Variants in SUPT3H observed in about 807,000 individuals in gnomAD.
SUPT3H encodes transcription initiation protein SPT3 homolog.
SUPT3H carries 44 observed loss-of-function variants against 44.3 expected under a neutral mutation model. The ratio of observed to expected loss-of-function variants is 0.99; its 90% CI spans 0.78 to 1.28. The LOEUF (loss-of-function observed/expected upper bound fraction) is 1.28. Among genes scored for constraint, SUPT3H ranks in the 50% most tolerant of loss-of-function variants. The pLI, the probability that SUPT3H is intolerant of heterozygous loss-of-function variation, is 0.00. For missense variants in SUPT3H, 380 were observed against 387.1 expected (o/e 0.98, Z 0.15); for synonymous variants, 124 against 125.6 (o/e 0.99, Z 0.09).
chr6:45,362,054 AAACAAC>A (rs375160471), intron 2 of SUPT3H, among the ~76,000 whole-genome samples: 9 of 151,938 alleles, frequency 5.9e-5, no homozygotes, highest in East Asian at 1.9e-4. Context: ...TTCCTCTCAA[AAACAAC>A]AACAACAACA....
rs1486622362 is a variant in SUPT3H, at chr6:45,212,479, CTA to C, written c.102-106475_102-106474del. ...GTTCTGAAACTTCCCTCCACCTCCA[CTA>C]TGTGTGTGTGTGTGTGTGTGTGTGT... On this transcript the variant is annotated intron_variant, in intron 2 of 10. Coordinates refer to ENST00000371459, the MANE Select transcript of SUPT3H (RefSeq NM_003599.4). 2.4e-3 allele frequency among the ~76,000 whole-genome samples: 339 copies of C among 139,918 alleles called. 5 individuals are homozygous for C. The highest frequency in any genetic ancestry group is 7.8e-3 in the Middle Eastern group (2 of 256). 91.8% of individuals were successfully genotyped at this position (139,918 alleles called of 152,430 possible).
At chr6:45,219,379 G>A (rs889074514) in intron 2 of SUPT3H, among the ~76,000 whole-genome samples, 4 of 151,214 alleles carry the variant, frequency 2.6e-5, no homozygotes, top group Admixed American at 6.6e-5. Flanking sequence ...AATCACAAAC[G>A]CCAGGAATGA....
intron 2 of SUPT3H, among the ~76,000 whole-genome samples, chr6:45,344,140 A>G (rs1014158735): frequency 1.3e-5 from 2 of 152,226 alleles, no homozygotes; most frequent in African/African-American, 4.8e-5. Context: ...TATGAAGTGG[A>G]TATGACAAAG....
chr6:45,257,530 TAAG>T (rs992624105), intron 2 of SUPT3H, among the ~76,000 whole-genome samples: 2 of 152,202 alleles, frequency 1.3e-5, no homozygotes, highest in East Asian at 1.9e-4. Context: ...CAATTACTGA[TAAG>T]AAGAATACAG....
chr6:45,168,542 C>CTA (rs1419548848), intron 2 of SUPT3H, among the ~76,000 whole-genome samples: 1 of 152,158 alleles, frequency 6.6e-6, no homozygotes, highest in Non-Finnish European at 1.5e-5. Flanking sequence ...TGGCAAAATA[C>CTA]ACTTTCTAAA....
At chr6:45,219,779 G>A (rs929402174) in intron 2 of SUPT3H, among the ~76,000 whole-genome samples, 1 of 151,938 alleles carries the variant, frequency 6.6e-6, no homozygotes, top group Non-Finnish European at 1.5e-5. Flanking sequence ...AGCAGCTCAC[G>A]CCTGTAATCC....
intron 2 of SUPT3H, among the ~76,000 whole-genome samples, chr6:45,271,068 AG>A (rs1176861188): frequency 6.6e-6 from 1 of 152,244 alleles, no homozygotes; most frequent in Non-Finnish European, 1.5e-5. Context: ...AGCATTCAAG[AG>A]GTGACCTGGG....
chr6:45,220,040 CAAAAAAAAAAAAA>C (rs67960187), intron 2 of SUPT3H, among the ~76,000 whole-genome samples: 3 of 33,010 alleles, frequency 9.1e-5, no homozygotes, highest in Admixed American at 6.3e-4. Flanking sequence ...GACTCTGTCT[CAAAAAAAAAAAAA>C]AAAAAAAAAA....
At chr6:45,327,036 G>A (rs1468068872) in intron 2 of SUPT3H, among the ~76,000 whole-genome samples, 1 of 151,796 alleles carries the variant, frequency 6.6e-6, no homozygotes, top group African/African-American at 2.4e-5. Context: ...ATGAAAACAG[G>A]AAGCTCTATT....
intron 2 of SUPT3H, among the ~76,000 whole-genome samples, chr6:45,353,393 A>G (rs943005001): frequency 1.3e-5 from 2 of 152,090 alleles, no homozygotes; most frequent in African/African-American, 4.8e-5. Flanking sequence ...ACTAACTATT[A>G]AAACATATTA....
chr6:45,058,780 T>G (rs1166071849), intron 3 of SUPT3H, among the ~76,000 whole-genome samples: 1 of 152,128 alleles, frequency 6.6e-6, no homozygotes, highest in African/African-American at 2.4e-5. Context: ...TATTTACTAG[T>G]CTATGAAGTT....
At chr6:45,341,174 G>C (rs1238137198) in intron 2 of SUPT3H, among the ~76,000 whole-genome samples, 3 of 151,676 alleles carry the variant, frequency 2.0e-5, no homozygotes, top group Admixed American at 6.6e-5. Flanking sequence ...AAAACAAAAA[G>C]TTCTCAAACA....
At chr6:44,868,163 A>T (rs1775795985) in intron 10 of SUPT3H, among the ~76,000 whole-genome samples, 1 of 152,100 alleles carries the variant, frequency 6.6e-6, no homozygotes, top group African/African-American at 2.4e-5. Flanking sequence ...ATTCATTTAC[A>T]CTCAACTCAC....
intron 1 of SUPT3H, among the ~76,000 whole-genome samples, chr6:45,366,274 G>C (rs780855216): frequency 2.5e-4 from 38 of 152,298 alleles, no homozygotes; most frequent in Non-Finnish European, 4.6e-4. Flanking sequence ...GGCAGGTTCT[G>C]GGGTCAGACT....
rs183390041 is a variant in SUPT3H at position 44,884,823 on chromosome 6, T to A, written c.912+47830A>T. On this transcript the variant is annotated intron_variant, in intron 10 of 10. Transcript: ENST00000371459. ...GAAGCAGGGCGAGGCATTGCTTCACTTGGGAAGTGCAAGGGGTCAGGGAGT... is the reference window on the plus strand; with the variant it reads ...GAAGCAGGGCGAGGCATTGCTTCACATGGGAAGTGCAAGGGGTCAGGGAGT... Among the ~76,000 whole-genome samples the A allele has an allele frequency of 2.5e-3, 374 of 152,252 alleles. 3 individuals are homozygous for A. The highest frequency in any genetic ancestry group is 8.6e-3 in the African/African-American group (359 of 41,550).
intron 2 of SUPT3H, among the ~76,000 whole-genome samples, chr6:45,223,849 GT>G: frequency 6.6e-6 from 1 of 151,060 alleles, no homozygotes; most frequent in Non-Finnish European, 1.5e-5. Flanking sequence ...TAAATTACTA[GT>G]TTATTTTAAA....
chr6:45,303,976 CAA>C (rs1241434882), intron 2 of SUPT3H, among the ~76,000 whole-genome samples: 8 of 92,518 alleles, frequency 8.6e-5, no homozygotes, highest in Admixed American at 1.1e-4. Flanking sequence ...GACTCTGTCT[CAA>C]AAAAAAAAAA....
At chr6:45,256,963 A>AT (rs1773513236) in intron 2 of SUPT3H, among the ~76,000 whole-genome samples, 2 of 152,316 alleles carry the variant, frequency 1.3e-5, no homozygotes, top group South Asian at 4.1e-4. Flanking sequence ...CAGATGTAGA[A>AT]TTGCTAGGTC....
Position 45,076,757 on chromosome 6 carries a change from C to T in SUPT3H, c.186+29165G>A, listed in dbSNP as rs190496895. Among the ~76,000 whole-genome samples, 35 of 152,266 alleles carry T rather than the reference C, an allele frequency of 2.3e-4. No individual in the cohort carries two copies. The East Asian group carries it at 5.8e-3, about 25-fold the overall frequency. On this transcript the variant is annotated intron_variant, in intron 3 of 10. Coordinates refer to ENST00000371459, the MANE Select transcript of SUPT3H (RefSeq NM_003599.4). ...AGTAACACTAATGATTTCTTACAAT[C>T]TGCTTGAAAGAAAATCCAACCTATT...
Sources: gnomAD v4.1 joint callset for allele counts (sites outside exome capture counted in the v4.1 genomes callset) on GRCh38, gnomAD v4.1.1 for gene constraint, MANE v1.5 for transcripts, NCBI Gene and HGNC (gene_info 2026-07-23, HGNC 2026-07-21) for gene names.